Variants in PSTPIP2 observed in about 807,000 individuals in gnomAD.
PSTPIP2 encodes proline-serine-threonine phosphatase-interacting protein 2.
PSTPIP2 carries 33 observed loss-of-function variants against 63.3 expected under a neutral mutation model. The ratio of observed to expected loss-of-function variants is 0.52; its 90% confidence interval spans 0.40 to 0.70. The LOEUF is 0.70. Ranked by LOEUF, PSTPIP2 falls within the 30% of genes least tolerant of loss-of-function variation. The pLI, the probability that PSTPIP2 is intolerant of heterozygous loss-of-function variation, is 0.00. For synonymous variants in PSTPIP2, 125 were observed against 132.7 expected, an observed-to-expected ratio of 0.94 and a Z score of 0.40; for missense variants, 312 against 400.7, an observed-to-expected ratio of 0.78 and a Z score of 1.89.
At chr18:46,053,565 A>G (rs1280525265) in intron 1 of PSTPIP2, among the ~76,000 whole-genome samples, 1 of 152,240 alleles carries the variant, frequency 6.6e-6, no homozygotes, top group African/African-American at 2.4e-5. Context: ...GATGTGAAAC[A>G]CATGTGAAAA....
At chr18:46,051,429 C>A (rs1291161375) in intron 1 of PSTPIP2, among the ~76,000 whole-genome samples, 1 of 151,974 alleles carries the variant, frequency 6.6e-6, no homozygotes, top group East Asian at 2.0e-4. Context: ...GAGCCAAGAT[C>A]GCGCCACTGC....
intron 2 of PSTPIP2, among the ~76,000 whole-genome samples, chr18:46,036,537 T>A (rs184747914): frequency 1.8e-4 from 27 of 152,336 alleles, no homozygotes; most frequent in African/African-American, 6.5e-4. Flanking sequence ...TTTATATGTC[T>A]ACCCTGGATG....
At chr18:45,988,671 A>C (rs1400712965) in intron 14 of PSTPIP2, 31 bp downstream of exon 14, 1 of 1,511,542 alleles carries the variant, frequency 6.6e-7, no homozygotes, top group Admixed American at 1.7e-5. Flanking sequence ...TCTACACATG[A>C]CTCAATTATG....
chr18:45,990,067 C>T (rs1030704858), intron 13 of PSTPIP2: 3 of 152,188 alleles, frequency 2.0e-5, no homozygotes, highest in Non-Finnish European at 2.9e-5. Context: ...TTAAGTGACA[C>T]GTTTCTTGAC....
chr18:46,024,788 A>T, intron 2 of PSTPIP2, 102 bp from the exon 3 acceptor site: 1 of 839,496 alleles, frequency 1.2e-6, no homozygotes, highest in Non-Finnish European at 2.0e-6. Context: ...CTGTGACCAT[A>T]GAAGCTCAGA....
chr18:46,019,889 CTTAT>C (rs1907283845), intron 3 of PSTPIP2, among the ~76,000 whole-genome samples: 1 of 152,124 alleles, frequency 6.6e-6, no homozygotes, highest in African/African-American at 2.4e-5. Context: ...TTCAGTGATG[CTTAT>C]TTGTCTTCAA....
rs1160280216 is a variant in PSTPIP2 at position 45,999,544 on chromosome 18, T to A, written c.418-10A>T. On this transcript the variant is annotated splice_polypyrimidine_tract_variant and intron_variant, in intron 6 of 14. Transcript: ENST00000409746. ...CATAGTTCTTCTTTGCCTTTGTCAT[T>A]ATGAACAAAGAGAACCAAAACAAAT... The A allele has an allele frequency of 6.2e-7, 1 of 1,614,052 alleles. No homozygotes were observed.
chr18:46,029,274 C>T (rs1907704401), intron 2 of PSTPIP2: 1 of 1,385,174 alleles, frequency 7.2e-7, no homozygotes, highest in African/African-American at 1.4e-5. Context: ...GTCCTTCTTG[C>T]TCATAAATGG....
chr18:46,025,335 C>T (rs1023262461), intron 2 of PSTPIP2, among the ~76,000 whole-genome samples: 3 of 152,114 alleles, frequency 2.0e-5, no homozygotes, highest in African/African-American at 2.4e-5. Context: ...TATATCCTCA[C>T]GGTAAAAGAC....
intron 14 of PSTPIP2, among the ~76,000 whole-genome samples, chr18:45,987,656 A>T (rs11082504): frequency 0.62 from 94,497 of 152,054 alleles, 29,577 homozygotes; most frequent in East Asian, 0.79. Flanking sequence ...ACCTTTTCTT[A>T]GCTCGTGTGT....
intron 1 of PSTPIP2, among the ~76,000 whole-genome samples, chr18:46,052,188 C>G (rs540179096): frequency 7.4e-4 from 113 of 152,332 alleles, no homozygotes; most frequent in African/African-American, 2.7e-3. Flanking sequence ...AAATATAGAA[C>G]TAGGAGCTAG....
intron 6 of PSTPIP2, among the ~76,000 whole-genome samples, chr18:46,001,689 C>A (rs1032665381): frequency 1.3e-5 from 2 of 152,220 alleles, no homozygotes; most frequent in Admixed American, 1.3e-4. Flanking sequence ...TCTTCTTTCC[C>A]CAGCCCTTAG....
At chr18:45,988,114 T>C (rs4890610) in intron 14 of PSTPIP2, among the ~76,000 whole-genome samples, 36,573 of 151,906 alleles carry the variant, frequency 0.24, 6,306 homozygotes, top group African/African-American at 0.47. Flanking sequence ...AGGTGTGTAA[T>C]AACTATAAAA....
intron 5 of PSTPIP2, among the ~76,000 whole-genome samples, chr18:46,008,277 T>C (rs1210572058): frequency 6.6e-6 from 1 of 152,056 alleles, no homozygotes; most frequent in Non-Finnish European, 1.5e-5. Context: ...CATGGCCCGT[T>C]TTTCTCTCTA....
rs773142947 is a variant in PSTPIP2, at chr18:46,039,940, A to C, written c.134+7T>G. 19 of 1,602,798 alleles carry C rather than the reference A, an allele frequency of 1.2e-5. No homozygotes were observed. In the South Asian group the frequency reaches 2.1e-4, roughly 18 times the overall value. On this transcript the variant is annotated splice_region_variant and intron_variant, in intron 2 of 14. Transcript: ENST00000409746. ...CCCTCTTCAGAGAGGACAGAGCATC[A>C]TCGTACCTTTCTTTTAGAAAGTCTT...
chr18:46,020,522 G>T (rs548547250), intron 3 of PSTPIP2, among the ~76,000 whole-genome samples: 4 of 152,100 alleles, frequency 2.6e-5, no homozygotes, highest in African/African-American at 4.8e-5. Context: ...GTGGGGTGGC[G>T]AGTGCCTATA....
chr18:45,990,814 T>C, intron 12 of PSTPIP2, 58 bp from the exon 13 acceptor site: 1 of 1,412,172 alleles, frequency 7.1e-7, no homozygotes, highest in Non-Finnish European at 9.9e-7. Flanking sequence ...TTATAATCTT[T>C]TTACTTCTTG....
chr18:46,016,372 T>C (rs919950557), intron 3 of PSTPIP2: 4 of 162,346 alleles, frequency 2.5e-5, no homozygotes, highest in Middle Eastern at 3.2e-3. Context: ...TCAAAATAAA[T>C]AAATAAAGTA....
rs536326486 is a variant in PSTPIP2 at position 46,000,610 on chromosome 18, C to T, written c.418-1076G>A. ...CTCGAACTCCTGACCTCAGGTGATCCACCCGCCTCGGCCTCCCAAAGTGCT... is the reference window on the plus strand; with the variant it reads ...CTCGAACTCCTGACCTCAGGTGATCTACCCGCCTCGGCCTCCCAAAGTGCT... On this transcript the variant is annotated intron_variant, in intron 6 of 14. Transcript: ENST00000409746. Among the ~76,000 whole-genome samples the T allele has an allele frequency of 2.6e-3, 391 of 152,290 alleles. 3 individuals carry two copies. The highest frequency in any genetic ancestry group is 9.0e-3 in the African/African-American group (373 of 41,564).
Sources: gnomAD v4.1 joint callset for allele counts (sites outside exome capture counted in the v4.1 genomes callset) on GRCh38, gnomAD v4.1.1 for gene constraint, MANE v1.5 for transcripts, NCBI Gene and HGNC (gene_info 2026-07-23, HGNC 2026-07-21) for gene names.